EYA2: variants seen among roughly 807,000 people sequenced by gnomAD.
The protein encoded by EYA2 is protein phosphatase EYA2.
Under a neutral mutation model 69.2 loss-of-function variants are expected in EYA2, and 31 were observed. The ratio of observed to expected loss-of-function variants is 0.45; its 90% CI spans 0.34 to 0.60. EYA2 has a LOEUF of 0.60. Ranked by LOEUF, EYA2 falls within the 20% of genes least tolerant of loss-of-function variation. The pLI is 0.02. For synonymous variants in EYA2, 257 were observed against 279.4 expected (o/e 0.92, Z 0.80); for missense variants, 622 against 701.2 (o/e 0.89, Z 1.28).
intron 1 of EYA2, among the ~76,000 whole-genome samples, chr20:46,899,442 C>T (rs538728539): frequency 2.6e-5 from 4 of 152,266 alleles, no homozygotes; most frequent in South Asian, 2.1e-4. Context: ...AGGAAAATGA[C>T]GGTTTATTTA....
intron 10 of EYA2, among the ~76,000 whole-genome samples, chr20:47,159,660 C>T (rs987249024): frequency 3.3e-5 from 5 of 152,074 alleles, no homozygotes; most frequent in Non-Finnish European, 4.4e-5. Context: ...TGTATGGGAA[C>T]TCTCTGTACT....
chr20:47,086,933 A>G (rs200060044), intron 7 of EYA2, among the ~76,000 whole-genome samples: 25 of 90,384 alleles, frequency 2.8e-4, no homozygotes, highest in African/African-American at 8.5e-4. Context: ...GGGGCAAACA[A>G]ATGTTTTCTA....
chr20:47,096,512 G>A (rs967305176), intron 8 of EYA2, among the ~76,000 whole-genome samples: 3 of 152,146 alleles, frequency 2.0e-5, no homozygotes, highest in African/African-American at 7.2e-5. Flanking sequence ...AAGGGAGAAT[G>A]TCCAAGGAGA....
chr20:46,958,556 T>G (rs1408515578), intron 1 of EYA2, among the ~76,000 whole-genome samples: 1 of 152,212 alleles, frequency 6.6e-6, no homozygotes, highest in African/African-American at 2.4e-5. Flanking sequence ...CCCTCATTTT[T>G]TTAAACTGTT....
intron 1 of EYA2, among the ~76,000 whole-genome samples, chr20:46,946,145 C>T (rs1000738394): frequency 1.3e-5 from 2 of 152,172 alleles, no homozygotes; most frequent in Non-Finnish European, 2.9e-5. Context: ...ACTTCTTCCT[C>T]CTCTGGACCT....
chr20:47,024,004 G>C lies in EYA2; in HGVS notation c.415+7707G>C, dbSNP rs77835215. ...AATCTTTCTTCTGGCTTCTTGAACA[G>C]ATAGAATCCAGTTGTAGTAAACGTT... is the stretch of plus-strand genomic sequence containing the variant. On this transcript the variant is annotated intron_variant, in intron 5 of 15. Transcript: ENST00000327619. Among the ~76,000 whole-genome samples the C allele has an allele frequency of 1.2e-4, 18 of 152,268 alleles. No homozygotes were observed. The East Asian group carries it at 3.1e-3, about 26-fold the overall frequency.
At chr20:47,012,669 T>C (rs1410849319) in intron 4 of EYA2, among the ~76,000 whole-genome samples, 2 of 152,136 alleles carry the variant, frequency 1.3e-5, no homozygotes, top group Admixed American at 6.5e-5. Context: ...AATTTTTGTA[T>C]TTTTTGTAGA....
chr20:47,151,307 G>A (rs907602330), intron 10 of EYA2, among the ~76,000 whole-genome samples: 16 of 151,494 alleles, frequency 1.1e-4, no homozygotes, highest in Non-Finnish European at 1.0e-4. Context: ...GGAGGCAGAG[G>A]TTGCAGTGAG....
At chr20:47,123,501 A>G (rs752034329) in intron 9 of EYA2, among the ~76,000 whole-genome samples, 79 of 152,168 alleles carry the variant, frequency 5.2e-4, no homozygotes, top group South Asian at 1.0e-3. Flanking sequence ...TGGAGTTCCC[A>G]AGGAGGCAAT....
chr20:47,009,587 T>C (rs1474366281), intron 4 of EYA2, among the ~76,000 whole-genome samples: 3 of 152,174 alleles, frequency 2.0e-5, no homozygotes, highest in African/African-American at 7.2e-5. Flanking sequence ...GCCCCCAAGT[T>C]TCATGTTTAT....
At chr20:46,915,542 C>T (rs992236485) in intron 1 of EYA2, among the ~76,000 whole-genome samples, 3 of 152,186 alleles carry the variant, frequency 2.0e-5, no homozygotes, top group Non-Finnish European at 4.4e-5. Context: ...ACCCCCAGAT[C>T]TCTTGATTCC....
chr20:47,010,465 G>A (rs1600636662), intron 4 of EYA2, among the ~76,000 whole-genome samples: 1 of 152,050 alleles, frequency 6.6e-6, no homozygotes, highest in Non-Finnish European at 1.5e-5. Context: ...AAAGCCTCCG[G>A]GTGCTGAGTC....
intron 9 of EYA2, among the ~76,000 whole-genome samples, chr20:47,109,100 C>G (rs1366556952): frequency 6.6e-6 from 1 of 152,036 alleles, no homozygotes; most frequent in African/African-American, 2.4e-5. Flanking sequence ...AAAGGGAGTC[C>G]TAATTCTCAC....
intron 12 of EYA2, among the ~76,000 whole-genome samples, chr20:47,175,108 A>G (rs1292218572): frequency 6.6e-6 from 1 of 152,216 alleles, no homozygotes; most frequent in Non-Finnish European, 1.5e-5. Context: ...AGCTGAGGGG[A>G]GAGCACCCAA....
rs113987005 is a variant in EYA2, at chr20:47,020,564, T to C, written c.415+4267T>C. On this transcript the variant is annotated intron_variant, in intron 5 of 15. Coordinates refer to ENST00000327619, the MANE Select transcript of EYA2 (RefSeq NM_005244.5). ...GGCTTCTTCTGGTAAAACACTGCTA[T>C]TCACAGAAATAACCACAAAGATTAA... 2.7e-4 allele frequency among the ~76,000 whole-genome samples: 41 copies of C among 152,238 alleles called. 2 individuals carry two copies. The highest frequency in any genetic ancestry group is 9.6e-4 in the African/African-American group (40 of 41,528).
intron 9 of EYA2, among the ~76,000 whole-genome samples, chr20:47,112,595 C>A (rs1207000012): frequency 1.3e-5 from 2 of 151,910 alleles, no homozygotes; most frequent in Non-Finnish European, 2.9e-5. Flanking sequence ...CTCAGATAGT[C>A]AAGGAAGACT....
intron 9 of EYA2, among the ~76,000 whole-genome samples, chr20:47,107,985 A>G (rs1224409259): frequency 6.6e-6 from 1 of 152,178 alleles, no homozygotes; most frequent in African/African-American, 2.4e-5. Context: ...GGAATGGCAC[A>G]TGCAAAGGCC....
At chr20:47,009,408 T>C (rs569085471) in intron 4 of EYA2, among the ~76,000 whole-genome samples, 85 of 152,366 alleles carry the variant, frequency 5.6e-4, no homozygotes, top group Admixed American at 9.8e-4. Context: ...AATAACACAA[T>C]TGAGCAAACT....
chr20:47,000,300 T>C (rs967884703), intron 2 of EYA2, among the ~76,000 whole-genome samples: 2 of 152,220 alleles, frequency 1.3e-5, no homozygotes, highest in Admixed American at 1.3e-4. Flanking sequence ...AGTATTTTCA[T>C]CCTCATTGCA....
Sources: gnomAD v4.1 joint callset for allele counts (sites outside exome capture counted in the v4.1 genomes callset) on GRCh38, gnomAD v4.1.1 for gene constraint, MANE v1.5 for transcripts, NCBI Gene and HGNC (gene_info 2026-07-23, HGNC 2026-07-21) for gene names.